MAPK10: variants seen among roughly 807,000 people sequenced by gnomAD.
MAPK10 encodes the protein mitogen-activated protein kinase 10.
In MAPK10, 25 loss-of-function variants were observed where a neutral mutation model predicts 59.3. The ratio of observed to expected loss-of-function variants is 0.42; its 90% CI spans 0.31 to 0.59. The LOEUF (loss-of-function observed/expected upper bound fraction) is 0.59. Ranked by LOEUF, MAPK10 falls within the 20% of genes least tolerant of loss-of-function variation. The pLI is 0.15. For synonymous variants in MAPK10, 190 were observed against 200.5 expected, an observed-to-expected ratio of 0.95 and a Z score of 0.44; for missense variants, 351 against 568.9, an observed-to-expected ratio of 0.62 and a Z score of 3.90.
At chr4:86,527,536 A>C (rs1256160961) in intron 1 of MAPK10, among the ~76,000 whole-genome samples, 1 of 152,156 alleles carries the variant, frequency 6.6e-6, no homozygotes, top group African/African-American at 2.4e-5. Context: ...CTGTGGAGAA[A>C]AGGGAATGCT....
At chr4:86,219,256 A>C (rs2088801844) in intron 2 of MAPK10, among the ~76,000 whole-genome samples, 1 of 152,220 alleles carries the variant, frequency 6.6e-6, no homozygotes. Flanking sequence ...TAATTGGCAC[A>C]CATCCTCTCT....
intron 2 of MAPK10, among the ~76,000 whole-genome samples, chr4:86,211,375 AT>A (rs768865340): frequency 1.6e-4 from 25 of 152,234 alleles, no homozygotes; most frequent in Non-Finnish European, 2.9e-4. Flanking sequence ...TAATAAGATT[AT>A]TAGCAGATTT....
chr4:86,041,866 T>C (rs1022071517), intron 11 of MAPK10, among the ~76,000 whole-genome samples: 2 of 152,236 alleles, frequency 1.3e-5, no homozygotes, highest in Non-Finnish European at 2.9e-5. Flanking sequence ...ACACTGTTGC[T>C]GGGAGTGTAA....
chr4:86,255,661 T>C (rs559465681), intron 2 of MAPK10, among the ~76,000 whole-genome samples: 13 of 152,346 alleles, frequency 8.5e-5, no homozygotes, highest in Non-Finnish European at 1.8e-4. Context: ...TTTTTTTCAA[T>C]TGCTAAATTC....
upstream of MAPK10, chr4:86,360,302 G>T: frequency 1.8e-6 from 1 of 550,660 alleles, no homozygotes; most frequent in Non-Finnish European, 2.3e-6. Flanking sequence ...CAGCCAGCCT[G>T]CACAACCTGA....
In MAPK10 at chr4:86,015,182, T is replaced by C. The variant is rs573993182; in HGVS notation, c.*2046A>G. On this transcript the variant is annotated 3_prime_UTR_variant, in exon 14 of 14. Transcript: ENST00000641462. Reference sequence around the variant, plus strand: ...AGCTGCACAAAGGAATGTTCTTCTATTTATTTTAAACAAATGACTGCGTGT... The same window carrying C: ...AGCTGCACAAAGGAATGTTCTTCTACTTATTTTAAACAAATGACTGCGTGT... 1 of 152,316 alleles carries C rather than the reference T, an allele frequency of 6.6e-6. No homozygotes were observed. The highest frequency in any genetic ancestry group is 1.9e-4 in the East Asian group (1 of 5,190). The allele number at this position is 152,316 out of a possible 1,614,324, so 9.4% of individuals were successfully genotyped here.
Position 86,013,007 on chromosome 4 carries a change from T to C in MAPK10, c.*4221A>G, listed in dbSNP as rs1161184445. 6.6e-6 allele frequency: 1 copy of C among 152,158 alleles called. No homozygotes were observed. Among genetic ancestry groups the C allele is most frequent in the Non-Finnish European group, 1.5e-5 (1 of 68,032 alleles). 9.4% of individuals were successfully genotyped at this position (152,158 alleles called of 1,614,324 possible). On this transcript the variant is annotated 3_prime_UTR_variant, in exon 14 of 14. Transcript: ENST00000641462. ...ACATGGCAAGGTGAACAGATAATCC[T>C]ACATAAGGATTGGGAGATTTGTGTC... is the stretch of plus-strand genomic sequence containing the variant.
At chr4:86,032,238 T>C (rs774347442) in intron 11 of MAPK10, 7 of 151,926 alleles carry the variant, frequency 4.6e-5, no homozygotes, top group Non-Finnish European at 8.8e-5. Flanking sequence ...TACTGGAAAG[T>C]GGAATCTCAA....
chr4:86,495,067 A>T (rs1754773579), intron 1 of MAPK10, among the ~76,000 whole-genome samples: 1 of 152,056 alleles, frequency 6.6e-6, no homozygotes, highest in East Asian at 1.9e-4. Flanking sequence ...TTAGAAGTCC[A>T]ACAAATCACT....
intron 11 of MAPK10, among the ~76,000 whole-genome samples, chr4:86,046,713 A>C (rs983531500): frequency 7.2e-5 from 11 of 152,156 alleles, no homozygotes; most frequent in Non-Finnish European, 1.6e-4. Context: ...CCAGCTTTTG[A>C]TATACACATA....
intron 1 of MAPK10, among the ~76,000 whole-genome samples, chr4:86,436,944 G>A (rs1748800697): frequency 1.3e-5 from 2 of 152,124 alleles, no homozygotes; most frequent in Admixed American, 6.6e-5. Context: ...CAGGCCTGGT[G>A]GCTCATGCCT....
intron 2 of MAPK10, among the ~76,000 whole-genome samples, chr4:86,354,291 G>A (rs1733275329): frequency 6.6e-6 from 1 of 152,048 alleles, no homozygotes; most frequent in Non-Finnish European, 1.5e-5. Flanking sequence ...ATCCATGGTG[G>A]TAGTATCATG....
intron 2 of MAPK10, among the ~76,000 whole-genome samples, chr4:86,212,772 G>A (rs1209394295): frequency 2.6e-5 from 4 of 152,110 alleles, no homozygotes; most frequent in African/African-American, 9.7e-5. Flanking sequence ...ACAGATGTAC[G>A]ACAGTAGTTG....
At chr4:86,265,817 C>T (rs2094210674) in intron 2 of MAPK10, among the ~76,000 whole-genome samples, 2 of 152,040 alleles carry the variant, frequency 1.3e-5, no homozygotes, top group Non-Finnish European at 2.9e-5. Flanking sequence ...GAAGTCCTGC[C>T]CACAAGCAGT....
At position 86,212,359 on chromosome 4, in the gene MAPK10, A is replaced by C. The variant is rs559679130; in HGVS notation, c.-6-17952T>G. Among the ~76,000 whole-genome samples the C allele has an allele frequency of 3.9e-5, 6 of 152,220 alleles. No homozygotes were observed. The East Asian group carries it at 1.2e-3, about 29-fold the overall frequency. Reference sequence around the variant, plus strand: ...ATATCAAGACCTTGTCTGTACAAAAAAAAAATTATAAAATTAGCTGGGTAT... The same window carrying C: ...ATATCAAGACCTTGTCTGTACAAAACAAAAATTATAAAATTAGCTGGGTAT... On this transcript the variant is annotated intron_variant, in intron 2 of 13. Transcript: ENST00000641462.
chr4:86,379,089 G>A (rs1740274468), intron 1 of MAPK10, among the ~76,000 whole-genome samples: 1 of 152,136 alleles, frequency 6.6e-6, no homozygotes, highest in South Asian at 2.1e-4. Flanking sequence ...GTGCATGTGT[G>A]GTGAGAGCTG....
At chr4:86,215,292 A>G (rs1257659071) in intron 2 of MAPK10, among the ~76,000 whole-genome samples, 3 of 152,252 alleles carry the variant, frequency 2.0e-5, no homozygotes, top group Non-Finnish European at 4.4e-5. Context: ...ATGTAAGAGC[A>G]AAAACAATCA....
chr4:86,292,429 T>C (rs1306467513), intron 2 of MAPK10, among the ~76,000 whole-genome samples: 1 of 152,158 alleles, frequency 6.6e-6, no homozygotes, highest in Non-Finnish European at 1.5e-5. Flanking sequence ...ATCCGTGGTA[T>C]AGAACTAATA....
intron 11 of MAPK10, among the ~76,000 whole-genome samples, chr4:86,033,878 A>G (rs1445332837): frequency 6.6e-6 from 1 of 152,232 alleles, no homozygotes; most frequent in Non-Finnish European, 1.5e-5. Context: ...TAATCCAGAG[A>G]GAGCAATGTT....
Sources: gnomAD v4.1 joint callset for allele counts (sites outside exome capture counted in the v4.1 genomes callset) on GRCh38, gnomAD v4.1.1 for gene constraint, MANE v1.5 for transcripts, NCBI Gene and HGNC (gene_info 2026-07-23, HGNC 2026-07-21) for gene names.